The following PIK3C2G variants were observed in gnomAD, a reference collection of about 807,000 sequenced individuals.
PIK3C2G encodes phosphatidylinositol-4-phosphate 3-kinase catalytic subunit type 2 gamma.
A neutral mutation model predicts 181.1 loss-of-function variants in PIK3C2G; 168 were observed. That is an observed-to-expected ratio of 0.93 (90% CI 0.82 to 1.05). PIK3C2G has a LOEUF of 1.05. Ranked by LOEUF, PIK3C2G falls within the 50% of genes least tolerant of loss-of-function variation. The probability of loss-of-function intolerance (pLI) is 0.00; values close to 1 mark genes in which losing one functional copy is unlikely to be tolerated. For synonymous variants in PIK3C2G, 573 were observed against 592.2 expected, an observed-to-expected ratio of 0.97 and a Z score of 0.47; for missense variants, 1,869 against 1,732.8, an observed-to-expected ratio of 1.08 and a Z score of -1.40.
intron 4 of PIK3C2G, among the ~76,000 whole-genome samples, chr12:18,293,573 A>G (rs1345367504): frequency 6.6e-6 from 1 of 152,158 alleles, no homozygotes; most frequent in African/African-American, 2.4e-5. Context: ...TCCTGAGTGT[A>G]TTTCCCAAGT....
intron 13 of PIK3C2G, chr12:18,372,755 TTAAAAC>T (rs1482577342): frequency 3.3e-5 from 5 of 152,242 alleles, no homozygotes; most frequent in African/African-American, 1.2e-4. Context: ...ATTTTTGTCT[TTAAAAC>T]TAATCTTCAA....
intron 29 of PIK3C2G, among the ~76,000 whole-genome samples, chr12:18,586,460 A>G (rs767334343): frequency 2.6e-5 from 4 of 152,270 alleles, no homozygotes; most frequent in Non-Finnish European, 5.9e-5. Flanking sequence ...CTATGCGCAC[A>G]AACTAGAAAA....
chr12:18,646,790 G>T (rs914969603), intron 32 of PIK3C2G, among the ~76,000 whole-genome samples: 1 of 152,020 alleles, frequency 6.6e-6, no homozygotes, highest in African/African-American at 2.4e-5. Context: ...CTCCTTTCAT[G>T]ATAAATAACT....
At chr12:18,477,778 A>T (rs1051923410) in intron 18 of PIK3C2G, among the ~76,000 whole-genome samples, 1 of 152,140 alleles carries the variant, frequency 6.6e-6, no homozygotes, top group Non-Finnish European at 1.5e-5. Context: ...ATGAAGGGAG[A>T]AGCACCTGCC....
At chr12:18,315,250 A>G (rs1209122445) in intron 6 of PIK3C2G, among the ~76,000 whole-genome samples, 2 of 152,286 alleles carry the variant, frequency 1.3e-5, no homozygotes, top group East Asian at 3.9e-4. Flanking sequence ...AGTTGTTTAG[A>G]AATATCTTTT....
chr12:18,283,119 C>T (rs529230980), intron 2 of PIK3C2G, among the ~76,000 whole-genome samples: 44 of 152,054 alleles, frequency 2.9e-4, no homozygotes, highest in Non-Finnish European at 4.1e-4. Context: ...AACACAAATA[C>T]GTTTCATTAC....
rs952210066 is a variant in PIK3C2G, at chr12:18,479,229, G to A, written c.2505-9220G>A. The stretch of plus-strand genomic sequence containing the variant: ...GAGAACATGAGACTTCAGAGTGTTA[G>A]GAACCAGGAAGCAAGAGAAAAAGAT... On this transcript the variant is annotated intron_variant, in intron 18 of 32. Coordinates refer to ENST00000538779, the MANE Select transcript of PIK3C2G (RefSeq NM_001288772.2). 2.6e-5 allele frequency among the ~76,000 whole-genome samples: 4 copies of A among 152,102 alleles called. No homozygotes were observed. In the South Asian group the frequency reaches 6.2e-4, roughly 24 times the overall value.
At chr12:18,608,138 AG>A (rs1476083977) in intron 30 of PIK3C2G, among the ~76,000 whole-genome samples, 8 of 152,152 alleles carry the variant, frequency 5.3e-5, no homozygotes, top group African/African-American at 1.9e-4. Flanking sequence ...CCATTGTGGA[AG>A]TCAGTGTGGT....
intron 32 of PIK3C2G, among the ~76,000 whole-genome samples, chr12:18,646,068 T>C (rs138203772): frequency 2.0e-5 from 3 of 152,232 alleles, no homozygotes; most frequent in East Asian, 1.9e-4. Context: ...CCAGGCAGCA[T>C]TGGGCATCCA....
At chr12:18,376,742 G>T (rs1006852036) in intron 13 of PIK3C2G, among the ~76,000 whole-genome samples, 1 of 152,260 alleles carries the variant, frequency 6.6e-6, no homozygotes, top group East Asian at 1.9e-4. Context: ...CTTGGCTTGT[G>T]GCTGTCCTTG....
chr12:18,604,100 AC>A lies in PIK3C2G; in HGVS notation c.4088-5433del, dbSNP rs1947883525. Among the ~76,000 whole-genome samples, 5 of 152,318 alleles carry A rather than the reference AC, an allele frequency of 3.3e-5. 1 individual carries two copies. The South Asian group carries it at 1.0e-3, about 32-fold the overall frequency. On this transcript the variant is annotated intron_variant, in intron 30 of 32. Coordinates refer to ENST00000538779, the MANE Select transcript of PIK3C2G (RefSeq NM_001288772.2). ...AAATGCTCCACTTAAAAGATACAGAACCACAGAATGCATAAGAACTCACCAA... is the reference window on the plus strand; with the variant it reads ...AAATGCTCCACTTAAAAGATACAGAACACAGAATGCATAAGAACTCACCAA...
In PIK3C2G at chr12:18,305,104, T is replaced by G. The variant is rs190781780; in HGVS notation, c.1035-8858T>G. Among the ~76,000 whole-genome samples the G allele has an allele frequency of 2.4e-3, 366 of 152,304 alleles. 1 individual carries two copies. Among genetic ancestry groups the G allele is most frequent in the African/African-American group, 8.4e-3 (350 of 41,580 alleles). On this transcript the variant is annotated intron_variant, in intron 5 of 32. Transcript: ENST00000538779. ...CTTCACCTAATATTCTATAATTAAC[T>G]TTGGTTTACATCTTCAGTAAATAGC...
chr12:18,538,856 C>G (rs912959432), intron 25 of PIK3C2G, among the ~76,000 whole-genome samples: 1 of 151,906 alleles, frequency 6.6e-6, no homozygotes, highest in Non-Finnish European at 1.5e-5. Flanking sequence ...TACACACTCT[C>G]TTGTGACCAA....
rs536592064 is a variant in PIK3C2G, at chr12:18,399,194, CA to C, written c.2127-449del. Among the ~76,000 whole-genome samples the C allele has an allele frequency of 3.0e-3, 244 of 80,406 alleles. 2 individuals carry two copies. The highest frequency in any genetic ancestry group is 3.2e-3 in the Non-Finnish European group (119 of 37,468). 52.7% of individuals were successfully genotyped at this position (80,406 alleles called of 152,430 possible). On this transcript the variant is annotated intron_variant, in intron 15 of 32. Transcript: ENST00000538779. ...TGGGTGACAGAGCGAGACTCCGTCTCAAAAAAAAAAAAAAAATATGCCATTT... is the reference window on the plus strand; with the variant it reads ...TGGGTGACAGAGCGAGACTCCGTCTCAAAAAAAAAAAAAAATATGCCATTT...
chr12:18,353,457 T>G (rs1419851177), intron 11 of PIK3C2G, among the ~76,000 whole-genome samples: 1 of 152,216 alleles, frequency 6.6e-6, no homozygotes, highest in Non-Finnish European at 1.5e-5. Context: ...CCGTTTCACT[T>G]TGGTGAAAGA....
At chr12:18,476,823 GA>G (rs1035917152) in intron 18 of PIK3C2G, among the ~76,000 whole-genome samples, 4 of 151,764 alleles carry the variant, frequency 2.6e-5, no homozygotes, top group African/African-American at 9.7e-5. Context: ...AATGCCTTAG[GA>G]AAATTTAAGT....
chr12:18,250,377 G>A (rs971527592), intron 1 of PIK3C2G, among the ~76,000 whole-genome samples: 1 of 151,916 alleles, frequency 6.6e-6, no homozygotes. Flanking sequence ...CTCCCAAAGG[G>A]AAAAAACATA....
At chr12:18,713,112 T>C in the PIK3C2G span, 6 of 1,279,502 alleles carry the variant, frequency 4.7e-6, no homozygotes, top group South Asian at 1.3e-5. Flanking sequence ...TAAAACTCTA[T>C]AAAAACTTGT....
At chr12:18,325,629 AC>A (rs1302290425) in intron 8 of PIK3C2G, among the ~76,000 whole-genome samples, 1 of 148,148 alleles carries the variant, frequency 6.8e-6, no homozygotes, top group Non-Finnish European at 1.5e-5. Context: ...AATAGCTTGA[AC>A]CCGGGAGGTG....
Sources: allele counts gnomAD v4.1 joint callset (sites outside exome capture counted in the v4.1 genomes callset), GRCh38; gene constraint gnomAD v4.1.1; transcripts MANE v1.5; gene names NCBI Gene and HGNC (gene_info 2026-07-23, HGNC 2026-07-21).